The following SGCZ variants were observed in gnomAD, a reference collection of about 807,000 sequenced individuals.
The protein encoded by SGCZ is zeta-sarcoglycan.
A neutral mutation model predicts 41.3 loss-of-function variants in SGCZ; 40 were observed. That is an observed-to-expected ratio of 0.97 (90% confidence interval 0.75 to 1.26). The LOEUF is 1.26. Ranked by LOEUF, SGCZ falls within the 50% of genes most tolerant of loss-of-function variation. The probability of loss-of-function intolerance (pLI) is 0.00; values close to 1 mark genes in which losing one functional copy is unlikely to be tolerated. For synonymous variants in SGCZ, 206 were observed against 137.5 expected (o/e 1.50, Z -3.49); for missense variants, 552 against 369.8 (o/e 1.49, Z -4.04).
chr8:15,188,794 T>C (rs1800432180), intron 1 of SGCZ, among the ~76,000 whole-genome samples: 1 of 152,034 alleles, frequency 6.6e-6, no homozygotes, highest in African/African-American at 2.4e-5. Flanking sequence ...TGTCATATTG[T>C]ATCAGGAGAT....
At chr8:14,394,236 T>C (rs540534755) in intron 2 of SGCZ, among the ~76,000 whole-genome samples, 1 of 148,456 alleles carries the variant, frequency 6.7e-6, no homozygotes, top group Non-Finnish European at 1.5e-5. Flanking sequence ...CTGCAACCTC[T>C]GCCTCCCAGG....
At chr8:14,431,638 A>G (rs1799944557) in intron 2 of SGCZ, among the ~76,000 whole-genome samples, 1 of 152,214 alleles carries the variant, frequency 6.6e-6, no homozygotes, top group South Asian at 2.1e-4. Context: ...CAGGAATTTC[A>G]TGACAAAGAA....
At chr8:14,714,936 G>C (rs750498808) in intron 1 of SGCZ, among the ~76,000 whole-genome samples, 2 of 152,020 alleles carry the variant, frequency 1.3e-5, no homozygotes, top group Non-Finnish European at 2.9e-5. Context: ...AGAAGTGACA[G>C]ACAGATAAGT....
intron 2 of SGCZ, among the ~76,000 whole-genome samples, chr8:14,521,607 G>A (rs565606566): frequency 2.0e-5 from 3 of 152,210 alleles, no homozygotes; most frequent in East Asian, 3.9e-4. Flanking sequence ...CAAAGCTGCT[G>A]TCAACATTCA....
intron 3 of SGCZ, among the ~76,000 whole-genome samples, chr8:14,251,694 A>G (rs1284756235): frequency 6.6e-6 from 1 of 152,176 alleles, no homozygotes; most frequent in African/African-American, 2.4e-5. Context: ...AATGCATAGT[A>G]TTAGACTTGC....
chr8:14,590,494 G>A (rs148646882), intron 1 of SGCZ, among the ~76,000 whole-genome samples: 121 of 151,360 alleles, frequency 8.0e-4, no homozygotes, highest in East Asian at 7.7e-3. Flanking sequence ...ACTCAGATAC[G>A]TGATATTAAT....
At chr8:14,591,475 T>G (rs905440653) in intron 1 of SGCZ, among the ~76,000 whole-genome samples, 14 of 152,032 alleles carry the variant, frequency 9.2e-5, no homozygotes, top group African/African-American at 2.4e-4. Context: ...AAAAAATATT[T>G]TAAAACCCTG....
At chr8:14,723,448 AC>A (rs1323603327) in intron 1 of SGCZ, among the ~76,000 whole-genome samples, 1 of 152,048 alleles carries the variant, frequency 6.6e-6, no homozygotes, top group Non-Finnish European at 1.5e-5. Flanking sequence ...TGGCAGGGGT[AC>A]CTTTCTGGAG....
chr8:14,094,803 T>G (rs918519605), intron 7 of SGCZ, among the ~76,000 whole-genome samples: 1 of 152,108 alleles, frequency 6.6e-6, no homozygotes, highest in African/African-American at 2.4e-5. Context: ...ATCTGTTGTT[T>G]CCTGACTTTT....
chr8:14,696,124 T>C (rs1281817786), intron 1 of SGCZ, among the ~76,000 whole-genome samples: 1 of 152,080 alleles, frequency 6.6e-6, no homozygotes, highest in African/African-American at 2.4e-5. Context: ...TGTAGAAAAT[T>C]GCATTTTTCT....
In SGCZ at chr8:14,723,525, G is replaced by A. The variant is rs371130132; in HGVS notation, c.40-168599C>T. ...ACCTTTGTGCACAGGACAGCTCCAC[G>A]GAGCCTGGCCATAGGTGCCCATCCC... is the stretch of plus-strand genomic sequence containing the variant. On this transcript the variant is annotated intron_variant, in intron 1 of 7. Coordinates refer to ENST00000382080, the MANE Select transcript of SGCZ (RefSeq NM_139167.4). 5.8e-4 allele frequency among the ~76,000 whole-genome samples: 89 copies of A among 152,224 alleles called. 4 individuals are homozygous for A. In the South Asian group the frequency reaches 0.018, roughly 30 times the overall value.
intron 2 of SGCZ, among the ~76,000 whole-genome samples, chr8:14,528,013 T>C (rs1301523866): frequency 6.6e-6 from 1 of 152,090 alleles, no homozygotes; most frequent in Non-Finnish European, 1.5e-5. Flanking sequence ...TAGCTAATAG[T>C]ACAGATGGGA....
intron 3 of SGCZ, among the ~76,000 whole-genome samples, chr8:14,292,262 G>A (rs1321764422): frequency 6.6e-6 from 1 of 152,022 alleles, no homozygotes; most frequent in Non-Finnish European, 1.5e-5. Context: ...ATATACAAGT[G>A]TGATGGAGAT....
At chr8:15,222,300 G>A (rs2117187145) in intron 1 of SGCZ, among the ~76,000 whole-genome samples, 1 of 152,142 alleles carries the variant, frequency 6.6e-6, no homozygotes, top group South Asian at 2.1e-4. Context: ...CTTGGGTCAG[G>A]CATTTCACCA....
chr8:14,705,890 A>C (rs1474866596), intron 1 of SGCZ, among the ~76,000 whole-genome samples: 1 of 152,092 alleles, frequency 6.6e-6, no homozygotes, highest in Non-Finnish European at 1.5e-5. Context: ...TTTTTAGAGA[A>C]AGTCTCTCTT....
intron 1 of SGCZ, among the ~76,000 whole-genome samples, chr8:14,601,828 T>C (rs897939915): frequency 6.6e-6 from 1 of 152,148 alleles, no homozygotes; most frequent in Non-Finnish European, 1.5e-5. Flanking sequence ...CCTTAAAACC[T>C]TATGATGTGG....
At chr8:14,165,802 C>G (rs1193865450) in intron 4 of SGCZ, among the ~76,000 whole-genome samples, 2 of 151,950 alleles carry the variant, frequency 1.3e-5, no homozygotes, top group Admixed American at 1.3e-4. Context: ...CTTTGTATTC[C>G]AAAACATCCT....
At chr8:14,681,132 T>A (rs1465244399) in intron 1 of SGCZ, among the ~76,000 whole-genome samples, 1 of 151,758 alleles carries the variant, frequency 6.6e-6, no homozygotes, top group South Asian at 2.1e-4. Flanking sequence ...CAACTGTAAA[T>A]TAAAGAAAAA....
chr8:14,373,771 A>G (rs74984563), intron 2 of SGCZ, among the ~76,000 whole-genome samples: 2,182 of 152,232 alleles, frequency 0.014, 49 homozygotes, highest in African/African-American at 0.048. Context: ...CGGTAGGTTT[A>G]CGGAAATCTT....
Sources: allele counts gnomAD v4.1 joint callset (sites outside exome capture counted in the v4.1 genomes callset), GRCh38; gene constraint gnomAD v4.1.1; transcripts MANE v1.5; gene names NCBI Gene and HGNC (gene_info 2026-07-23, HGNC 2026-07-21).